The following CCDC178 variants were observed in gnomAD, a reference collection of about 807,000 sequenced individuals.
CCDC178 encodes coiled-coil domain containing 178.
CCDC178 carries 126 observed loss-of-function variants against 117.4 expected under a neutral mutation model. That is an observed-to-expected ratio of 1.07 (90% CI 0.93 to 1.24). The LOEUF (loss-of-function observed/expected upper bound fraction) is 1.24, where lower values mean the gene tolerates loss of function less well. Among genes scored for constraint, CCDC178 ranks in the 50% most tolerant of loss-of-function variants. CCDC178 has a pLI of 0.00. For synonymous variants in CCDC178, 283 were observed against 313.4 expected, an observed-to-expected ratio of 0.90 and a Z score of 1.02; for missense variants, 1,030 against 986.9, an observed-to-expected ratio of 1.04 and a Z score of -0.59.
chr18:33,242,951 A>T (rs1371332629), intron 15 of CCDC178, among the ~76,000 whole-genome samples: 1 of 151,820 alleles, frequency 6.6e-6, no homozygotes, highest in African/African-American at 2.4e-5. Flanking sequence ...CTGTATCCCC[A>T]TGTTTTTTTT....
chr18:33,404,783 A>G (rs992088630), intron 3 of CCDC178, among the ~76,000 whole-genome samples: 1 of 152,148 alleles, frequency 6.6e-6, no homozygotes, highest in African/African-American at 2.4e-5. Context: ...AGTCATACAA[A>G]GGAATTAAAT....
chr18:32,994,006 C>A (rs906409908), intron 21 of CCDC178, among the ~76,000 whole-genome samples: 6 of 152,076 alleles, frequency 3.9e-5, no homozygotes, highest in African/African-American at 1.4e-4. Context: ...TATAGAGAAG[C>A]CTTTCCTGAG....
At chr18:33,108,811 T>C (rs1812929340) in intron 20 of CCDC178, among the ~76,000 whole-genome samples, 1 of 151,734 alleles carries the variant, frequency 6.6e-6, no homozygotes, top group African/African-American at 2.4e-5. Context: ...GTGTGTACTT[T>C]GATAACTTCT....
At chr18:33,323,454 C>G (rs556517704) in intron 11 of CCDC178, 37 bp downstream of exon 11, 4 of 1,315,844 alleles carry the variant, frequency 3.0e-6, no homozygotes, top group Non-Finnish European at 4.0e-6. Context: ...CATTTAATTT[C>G]TAAATGCTAT....
At chr18:33,316,259 G>A (rs1190472939) in intron 11 of CCDC178, among the ~76,000 whole-genome samples, 2 of 152,194 alleles carry the variant, frequency 1.3e-5, no homozygotes, top group African/African-American at 4.8e-5. Context: ...GGGGCTGCGC[G>A]CGGTGCTTGC....
intron 21 of CCDC178, among the ~76,000 whole-genome samples, chr18:32,995,170 G>A (rs1459173388): frequency 6.6e-6 from 1 of 151,964 alleles, no homozygotes; most frequent in Non-Finnish European, 1.5e-5. Context: ...AAATGCGATC[G>A]CTTATCAATG....
chr18:33,002,596 A>C (rs1418226593), intron 21 of CCDC178, among the ~76,000 whole-genome samples: 1 of 152,068 alleles, frequency 6.6e-6, no homozygotes, highest in Non-Finnish European at 1.5e-5. Context: ...AAAACTTCAA[A>C]TAAACAACCT....
At chr18:33,320,618 G>A (rs1049955521) in intron 11 of CCDC178, among the ~76,000 whole-genome samples, 2 of 152,166 alleles carry the variant, frequency 1.3e-5, no homozygotes, top group Non-Finnish European at 2.9e-5. Flanking sequence ...AACATTCCAT[G>A]CTCATGGATA....
At chr18:33,198,342 C>T (rs1015700404) in intron 20 of CCDC178, among the ~76,000 whole-genome samples, 4 of 152,096 alleles carry the variant, frequency 2.6e-5, no homozygotes, top group South Asian at 4.1e-4. Context: ...GAACTAGAAA[C>T]GTATAGTAAC....
rs1279381267 is a variant in CCDC178 at position 33,123,342 on chromosome 18, G to A, written c.2239-30432C>T. Among the ~76,000 whole-genome samples the A allele has an allele frequency of 3.3e-5, 5 of 152,206 alleles. No homozygotes were observed. In the East Asian group the frequency reaches 5.8e-4, roughly 18 times the overall value. On this transcript the variant is annotated intron_variant, in intron 20 of 22. Transcript: ENST00000383096. ...ATGATTTGCATAAAATGAGAGTAAT[G>A]AGGGCCTTTACTAAGTGACTGTAAC...
At chr18:33,341,316 C>A (rs2062814351) in intron 9 of CCDC178, among the ~76,000 whole-genome samples, 1 of 152,146 alleles carries the variant, frequency 6.6e-6, no homozygotes, top group East Asian at 1.9e-4. Flanking sequence ...AACTAGCTTG[C>A]TTTTGATTTT....
At chr18:32,956,148 T>C (rs1167026747) in intron 22 of CCDC178, among the ~76,000 whole-genome samples, 4 of 152,136 alleles carry the variant, frequency 2.6e-5, no homozygotes, top group African/African-American at 9.7e-5. Context: ...AATCAGAATG[T>C]TTCTATTTAA....
chr18:33,263,781 A>G (rs2144756368), intron 14 of CCDC178, among the ~76,000 whole-genome samples: 1 of 152,268 alleles, frequency 6.6e-6, no homozygotes, highest in Middle Eastern at 3.4e-3. Flanking sequence ...TCTAGAGCAT[A>G]TCCAAGGACA....
chr18:33,149,620 G>A lies in CCDC178; in HGVS notation c.2239-56710C>T, dbSNP rs2058316809. Among the ~76,000 whole-genome samples the A allele has an allele frequency of 2.0e-5, 3 of 152,128 alleles. 1 individual carries two copies. Among genetic ancestry groups the A allele is most frequent in the Admixed American group, 2.0e-4 (3 of 15,278 alleles). On this transcript the variant is annotated intron_variant, in intron 20 of 22. Coordinates refer to ENST00000383096, the MANE Select transcript of CCDC178 (RefSeq NM_001105528.4). ...AGCCACACTGAAAGTAGAGGAATAA[G>A]TGAAGGGCCATATGCTGTATAATGA...
intron 21 of CCDC178, among the ~76,000 whole-genome samples, chr18:32,976,436 C>A (rs976978506): frequency 1.3e-5 from 2 of 152,006 alleles, no homozygotes; most frequent in African/African-American, 4.8e-5. Context: ...GGAGGTAGCA[C>A]TAGCCCTGTA....
At chr18:33,171,768 A>G (rs1449779387) in intron 20 of CCDC178, among the ~76,000 whole-genome samples, 4 of 152,198 alleles carry the variant, frequency 2.6e-5, no homozygotes, top group East Asian at 3.9e-4. Context: ...AATTGGCTCA[A>G]TATTTCTTTA....
At chr18:32,970,633 G>A (rs960986557) in intron 22 of CCDC178, among the ~76,000 whole-genome samples, 2 of 151,982 alleles carry the variant, frequency 1.3e-5, no homozygotes, top group Non-Finnish European at 2.9e-5. Context: ...AATACATTAA[G>A]TCACTCTAGC....
chr18:33,192,013 GT>G (rs1290299701), intron 20 of CCDC178, among the ~76,000 whole-genome samples: 3 of 152,090 alleles, frequency 2.0e-5, no homozygotes, highest in Non-Finnish European at 4.4e-5. Context: ...ATGAATAAAT[GT>G]TTAAAACTAT....
intron 22 of CCDC178, among the ~76,000 whole-genome samples, chr18:32,969,281 TA>T (rs994000740): frequency 5.3e-5 from 8 of 152,100 alleles, no homozygotes; most frequent in South Asian, 2.1e-4. Flanking sequence ...AGGAACCTAC[TA>T]GGGGGAGCAC....
Sources: allele counts gnomAD v4.1 joint callset (sites outside exome capture counted in the v4.1 genomes callset), GRCh38; gene constraint gnomAD v4.1.1; transcripts MANE v1.5; gene names NCBI Gene and HGNC (gene_info 2026-07-23, HGNC 2026-07-21).